Variants in PDZD2 observed in about 807,000 individuals in gnomAD.
PDZD2 encodes the protein PDZ domain-containing protein 2.
A neutral mutation model predicts 220.7 loss-of-function variants in PDZD2; 90 were observed. The observed-to-expected ratio is 0.41, with a 90% CI of 0.34 to 0.49. PDZD2 has a LOEUF of 0.49. PDZD2 is among the 20% of genes least tolerant of loss of function. The probability of loss-of-function intolerance (pLI) is 0.28; values close to 1 mark genes in which losing one functional copy is unlikely to be tolerated. For synonymous variants in PDZD2, 1,375 were observed against 1,450.5 expected, an observed-to-expected ratio of 0.95 and a Z score of 1.18; for missense variants, 3,174 against 3,608.5, an observed-to-expected ratio of 0.88 and a Z score of 3.08.
chr5:32,029,402 T>C (rs556720022), intron 6 of PDZD2, among the ~76,000 whole-genome samples: 66 of 151,008 alleles, frequency 4.4e-4, no homozygotes, highest in African/African-American at 1.5e-3. Flanking sequence ...TTGAGATTCC[T>C]GAGTCAGAGA....
Position 32,089,448 on chromosome 5 carries a change from G to A in PDZD2, c.6000G>A (p.Arg2000=). 6 of 1,613,936 alleles carry A rather than the reference G, an allele frequency of 3.7e-6. No homozygotes were observed. Among genetic ancestry groups the A allele is most frequent in the Non-Finnish European group, 5.1e-6 (6 of 1,180,030 alleles). The part of the protein sequence containing the change: ...KPVPEQGMWS[R]FHMAVLSEPD... ...TTCCTGAGCAAGGCATGTGGAGCAG[G>A]TTCCACATGGCTGTCCTCTCTGAAC... The change falls in exon 20 of 25, where the codon AGG becomes AGA. Residue 2000 remains arginine, a synonymous_variant. Coordinates refer to ENST00000438447, the MANE Select transcript of PDZD2 (RefSeq NM_178140.4).
chr5:31,834,641 C>G (rs1336680898), intron 2 of PDZD2, among the ~76,000 whole-genome samples: 6 of 150,794 alleles, frequency 4.0e-5, no homozygotes, highest in African/African-American at 1.5e-4. Flanking sequence ...GGTAGATGAC[C>G]TCAGCTTGTG....
chr5:31,983,208 G>A lies in PDZD2; in HGVS notation c.530G>A (p.Arg177His), dbSNP rs1348523938. 36 of 1,614,082 alleles carry A rather than the reference G, an allele frequency of 2.2e-5. No homozygotes were observed. The highest frequency in any genetic ancestry group is 3.0e-5 in the Non-Finnish European group (35 of 1,179,992). ...NGGFIYLIML[R>H]RFKHKAHSTY... ...GGCTTTATCTACCTGATCATGCTGCGTCGCTTTAAGCACAAAGCCCACTCC... is the reference window on the plus strand; with the variant it reads ...GGCTTTATCTACCTGATCATGCTGCATCGCTTTAAGCACAAAGCCCACTCC... The change falls in exon 3 of 25, where the codon CGT (arginine) becomes CAT (histidine). Residue 177 changes from arginine to histidine, a missense_variant. Coordinates refer to ENST00000438447, the MANE Select transcript of PDZD2 (RefSeq NM_178140.4).
chr5:31,725,130 A>C (rs1749045078), intron 1 of PDZD2, among the ~76,000 whole-genome samples: 1 of 152,018 alleles, frequency 6.6e-6, no homozygotes, highest in African/African-American at 2.4e-5. Context: ...CAAGAGTTCG[A>C]GACCAGCCTG....
Position 32,000,656 on chromosome 5 carries a change from A to G in PDZD2, c.1254+385A>G, listed in dbSNP as rs7735076. ...CTCCCAAGTAGCTAGGATTACAGCC[A>G]CATGCCATCACACCCGGCTAATTTT... On this transcript the variant is annotated intron_variant, in intron 5 of 24. Coordinates refer to ENST00000438447, the MANE Select transcript of PDZD2 (RefSeq NM_178140.4). This position sits in a 1 kb window ranked among gnomAD's most constrained non-coding sequence, Gnocchi z 4.5. 0.49 allele frequency among the ~76,000 whole-genome samples: 74,164 copies of G among 151,900 alleles called. 20,401 individuals carry two copies. The highest frequency in any genetic ancestry group is 0.75 in the African/African-American group (30,991 of 41,424).
chr5:31,689,353 A>ATATATATATATTTTTTTTTTTTTTTCTTT, intron 1 of PDZD2, among the ~76,000 whole-genome samples: 1 of 35,138 alleles, frequency 2.8e-5, no homozygotes, highest in Non-Finnish European at 4.2e-5. Flanking sequence ...ATATATATAT[A>ATATATATATATTTTTTTTTTTTTTTCTTT]TTTTTTTTTT....
intron 1 of PDZD2, among the ~76,000 whole-genome samples, chr5:31,674,504 A>T (rs1746330525): frequency 6.6e-6 from 1 of 152,236 alleles, no homozygotes; most frequent in Non-Finnish European, 1.5e-5. Context: ...TAAAATGTTT[A>T]TTGGCCTGTG....
intron 1 of PDZD2, among the ~76,000 whole-genome samples, chr5:31,676,185 T>A (rs450631): frequency 0.21 from 32,603 of 152,180 alleles, 3,967 homozygotes; most frequent in African/African-American, 0.33. Context: ...TATTCATGTA[T>A]TTATTTATTC....
chr5:31,847,789 AGTACCAGACG>A, intron 2 of PDZD2: 1 of 578,300 alleles, frequency 1.7e-6, no homozygotes, highest in African/African-American at 1.9e-5. Context: ...TATCCCTTGC[AGTACCAGACG>A]ATTCCCTGGT....
intron 1 of PDZD2, among the ~76,000 whole-genome samples, chr5:31,709,673 C>T (rs560534796): frequency 2.0e-5 from 3 of 151,912 alleles, no homozygotes; most frequent in Non-Finnish European, 4.4e-5. Context: ...TAAGTCATGT[C>T]GGCTGGGTGC....
At chr5:31,648,890 C>A (rs1234709228) in intron 1 of PDZD2, among the ~76,000 whole-genome samples, 1 of 152,066 alleles carries the variant, frequency 6.6e-6, no homozygotes, top group African/African-American at 2.4e-5. Context: ...CTCTTACATT[C>A]TATGGGTTTG....
At chr5:31,868,243 A>G (rs947444417) in intron 2 of PDZD2, among the ~76,000 whole-genome samples, 10 of 152,128 alleles carry the variant, frequency 6.6e-5, no homozygotes, top group Non-Finnish European at 1.5e-4. Context: ...TCAGCAGTTC[A>G]AGGCCAGCCT....
chr5:31,777,091 G>GGAGGTGTGGAGGGA (rs1277126834), intron 1 of PDZD2, among the ~76,000 whole-genome samples: 2 of 152,178 alleles, frequency 1.3e-5, no homozygotes, highest in Non-Finnish European at 2.9e-5. Context: ...CTGCTTGCTG[G>GGAGGTGTGGAGGGA]GAGGTGTGGA....
intron 21 of PDZD2, among the ~76,000 whole-genome samples, chr5:32,095,590 C>CA (rs1743592849): frequency 1.3e-5 from 2 of 152,206 alleles, no homozygotes; most frequent in East Asian, 3.9e-4. Context: ...CTGAGGCTCT[C>CA]AGAGGCAAAA....
intron 2 of PDZD2, among the ~76,000 whole-genome samples, chr5:31,853,092 C>T (rs932245881): frequency 6.6e-6 from 1 of 152,158 alleles, no homozygotes; most frequent in Non-Finnish European, 1.5e-5. Context: ...TTATAGGATG[C>T]TAATGAAAGA....
chr5:32,048,237 T>C (rs937394314), intron 7 of PDZD2, among the ~76,000 whole-genome samples: 1 of 152,248 alleles, frequency 6.6e-6, no homozygotes, highest in African/African-American at 2.4e-5. Context: ...CTTCTCACTA[T>C]TCCCTTATCC....
intron 2 of PDZD2, among the ~76,000 whole-genome samples, chr5:31,873,209 G>T (rs1380394353): frequency 1.3e-5 from 2 of 152,096 alleles, no homozygotes; most frequent in African/African-American, 2.4e-5. Flanking sequence ...TGAGGCAGGA[G>T]AATTGCTTGA....
intron 2 of PDZD2, chr5:31,854,970 C>G: frequency 2.5e-5 from 25 of 985,494 alleles, no homozygotes; most frequent in Non-Finnish European, 3.0e-5. Flanking sequence ...TCGGGAAGTC[C>G]TGCAGGAGCC....
At chr5:31,765,606 A>G (rs976668111) in intron 1 of PDZD2, among the ~76,000 whole-genome samples, 1 of 152,160 alleles carries the variant, frequency 6.6e-6, no homozygotes, top group African/African-American at 2.4e-5. Context: ...CCTGAGCTGA[A>G]AAGCAATTAG....
Sources: gnomAD v4.1 joint callset for allele counts (sites outside exome capture counted in the v4.1 genomes callset) on GRCh38, gnomAD v4.1.1 for gene constraint, Gnocchi (gnomAD v3.1) non-coding constraint, MANE v1.5 for transcripts, NCBI Gene and HGNC (gene_info 2026-07-23, HGNC 2026-07-21) for gene names.